PDE4B: variants seen among roughly 807,000 people sequenced by gnomAD.
The protein encoded by PDE4B is phosphodiesterase 4B.
In PDE4B, 20 loss-of-function variants were observed where a neutral mutation model predicts 82.2. The observed-to-expected ratio is 0.24, with a 90% CI of 0.17 to 0.35. PDE4B has a LOEUF of 0.35. PDE4B is among the 10% of genes least tolerant of loss of function. PDE4B has a pLI of 1.00. For synonymous variants in PDE4B, 320 were observed against 318.9 expected (o/e 1.00, Z -0.04); for missense variants, 655 against 907.2 (o/e 0.72, Z 3.57).
intron 3 of PDE4B, among the ~76,000 whole-genome samples, chr1:66,090,301 C>T (rs1644986431): frequency 6.6e-6 from 1 of 151,790 alleles, no homozygotes; most frequent in African/African-American, 2.4e-5. Flanking sequence ...CCTATTTCTT[C>T]CAGGGGTGAT....
chr1:65,896,714 G>A (rs1646914267), intron 1 of PDE4B, among the ~76,000 whole-genome samples: 1 of 152,168 alleles, frequency 6.6e-6, no homozygotes, highest in Non-Finnish European at 1.5e-5. Flanking sequence ...TAGTCTGAAA[G>A]ACTTGGGATA....
intron 3 of PDE4B, among the ~76,000 whole-genome samples, chr1:66,147,399 G>C (rs938760497): frequency 3.3e-5 from 5 of 152,172 alleles, no homozygotes; most frequent in African/African-American, 1.2e-4. Flanking sequence ...ACTGTTAGCT[G>C]ATGGCAGGAT....
At chr1:66,003,739 A>G (rs1468839803) in intron 3 of PDE4B, among the ~76,000 whole-genome samples, 1 of 152,168 alleles carries the variant, frequency 6.6e-6, no homozygotes, top group East Asian at 1.9e-4. Flanking sequence ...TCTTTAGGCC[A>G]GAAGAGAGGT....
chr1:65,881,910 A>G (rs529512561), intron 1 of PDE4B, among the ~76,000 whole-genome samples: 4 of 152,308 alleles, frequency 2.6e-5, no homozygotes, highest in Admixed American at 6.5e-5. Flanking sequence ...AGATTGCATG[A>G]CATTATATAT....
intron 1 of PDE4B, among the ~76,000 whole-genome samples, chr1:65,899,292 G>A (rs1337591022): frequency 6.6e-6 from 1 of 151,922 alleles, no homozygotes; most frequent in Non-Finnish European, 1.5e-5. Context: ...TACAAGAATG[G>A]CCATAATAAA....
At chr1:65,867,229 C>T (rs546395971) in intron 1 of PDE4B, among the ~76,000 whole-genome samples, 23 of 151,880 alleles carry the variant, frequency 1.5e-4, no homozygotes, top group African/African-American at 2.4e-4. Context: ...TTAAATGAGA[C>T]GATAAGGACC....
intron 3 of PDE4B, among the ~76,000 whole-genome samples, chr1:66,025,634 A>G (rs1168497246): frequency 6.6e-6 from 1 of 152,140 alleles, no homozygotes; most frequent in Non-Finnish European, 1.5e-5. Context: ...TTCCCAGACT[A>G]ATGTTTCCAT....
chr1:66,037,424 T>C (rs12033425), intron 3 of PDE4B, among the ~76,000 whole-genome samples: 12,516 of 152,142 alleles, frequency 0.082, 963 homozygotes, highest in East Asian at 0.26. Flanking sequence ...ACTTTGCTGT[T>C]AGTGTGTAGA....
At position 65,919,504 on chromosome 1, in the gene PDE4B, C is replaced by A. The variant is rs537793415; in HGVS notation, c.281+669C>A. Among the ~76,000 whole-genome samples, 5 of 152,172 alleles carry A rather than the reference C, an allele frequency of 3.3e-5. No homozygotes were observed. The South Asian group carries it at 6.2e-4, about 19-fold the overall frequency. On this transcript the variant is annotated intron_variant, in intron 3 of 16. Coordinates refer to ENST00000341517, the MANE Select transcript of PDE4B (RefSeq NM_002600.4). ...AATAATTAGTACATTCTCACTTTTC[C>A]TTTTCTGTTTTCCTACATCATTTTA... is the stretch of plus-strand genomic sequence containing the variant.
intron 3 of PDE4B, among the ~76,000 whole-genome samples, chr1:66,084,831 A>C (rs554275646): frequency 1.3e-5 from 2 of 152,142 alleles, no homozygotes; most frequent in African/African-American, 2.4e-5. Flanking sequence ...TCTGCTGGGA[A>C]CAAGGCAGAG....
intron 1 of PDE4B, among the ~76,000 whole-genome samples, chr1:65,816,669 T>G (rs1201513736): frequency 6.6e-6 from 1 of 152,150 alleles, no homozygotes; most frequent in African/African-American, 2.4e-5. Context: ...TTATCTAATA[T>G]GGGGATATTA....
At chr1:65,823,444 A>C (rs111377090) in intron 1 of PDE4B, among the ~76,000 whole-genome samples, 120 of 151,496 alleles carry the variant, frequency 7.9e-4, no homozygotes, top group Non-Finnish European at 1.3e-3. Context: ...GTAATTCTGA[A>C]GAGCAGCCAA....
At chr1:66,252,277 C>A (rs1348102941) in intron 4 of PDE4B, among the ~76,000 whole-genome samples, 1 of 152,092 alleles carries the variant, frequency 6.6e-6, no homozygotes, top group Non-Finnish European at 1.5e-5. Context: ...AATATGAGTC[C>A]TCTTGATTGC....
intron 1 of PDE4B, among the ~76,000 whole-genome samples, chr1:65,900,103 TA>T (rs1282119635): frequency 6.6e-6 from 1 of 152,166 alleles, no homozygotes; most frequent in Non-Finnish European, 1.5e-5. Context: ...GTTTAATATT[TA>T]AATATTTAAT....
chr1:65,908,046 G>C (rs948980730), intron 1 of PDE4B, among the ~76,000 whole-genome samples: 3 of 152,136 alleles, frequency 2.0e-5, no homozygotes, highest in African/African-American at 7.2e-5. Flanking sequence ...TCTAGGTGGG[G>C]AGAGGAGGTG....
chr1:66,146,176 T>C (rs1486565363), intron 3 of PDE4B, among the ~76,000 whole-genome samples: 1 of 105,922 alleles, frequency 9.4e-6, no homozygotes, highest in African/African-American at 3.6e-5. Flanking sequence ...TAGCATGCTT[T>C]TTTTTTTTTT....
chr1:65,949,498 C>T (rs1648884666), intron 3 of PDE4B, among the ~76,000 whole-genome samples: 1 of 152,088 alleles, frequency 6.6e-6, no homozygotes. Flanking sequence ...CACTATATTG[C>T]AAAACACTCC....
At chr1:66,204,534 A>C (rs916267736) in intron 3 of PDE4B, among the ~76,000 whole-genome samples, 5 of 152,246 alleles carry the variant, frequency 3.3e-5, no homozygotes, top group Non-Finnish European at 7.3e-5. Context: ...TACCTAAGCA[A>C]GCCTGGGCAA....
At chr1:66,348,221 C>T (rs1661555456) in intron 8 of PDE4B, among the ~76,000 whole-genome samples, 1 of 152,134 alleles carries the variant, frequency 6.6e-6, no homozygotes, top group East Asian at 1.9e-4. Context: ...TAAATATTAG[C>T]CGTTATACCT....
Sources: gnomAD v4.1 joint callset for allele counts (sites outside exome capture counted in the v4.1 genomes callset) on GRCh38, gnomAD v4.1.1 for gene constraint, MANE v1.5 for transcripts, NCBI Gene and HGNC (gene_info 2026-07-23, HGNC 2026-07-21) for gene names.